Variants in VIPR2 observed in about 807,000 individuals in gnomAD.
The protein encoded by VIPR2 is vasoactive intestinal polypeptide receptor 2.
VIPR2 carries 48 observed loss-of-function variants against 58.0 expected under a neutral mutation model. The ratio of observed to expected loss-of-function variants is 0.83; its 90% CI spans 0.66 to 1.05. The LOEUF (loss-of-function observed/expected upper bound fraction) is 1.05. Ranked by LOEUF, VIPR2 falls within the 50% of genes least tolerant of loss-of-function variation. The probability of loss-of-function intolerance (pLI) is 0.00; values close to 1 mark genes in which losing one functional copy is unlikely to be tolerated. For missense variants in VIPR2, 534 were observed against 558.0 expected (o/e 0.96, Z 0.43); for synonymous variants, 243 against 235.2 (o/e 1.03, Z -0.30).
Position 159,058,491 on chromosome 7 carries a change from A to G in VIPR2, c.445T>C (p.Cys149Arg). The G allele has an allele frequency of 6.2e-7, 1 of 1,612,902 alleles. No individual in the cohort carries two copies. The highest frequency in any genetic ancestry group is 8.5e-7 in the Non-Finnish European group (1 of 1,178,926). The change falls in exon 5 of 13, where the codon TGC (cysteine) becomes CGC (arginine). Residue 149 changes from cysteine (C) to arginine (R), a missense_variant. By Grantham distance (180) the Cys-to-Arg change is radical (BLOSUM62 -3). This residue lies in a region of VIPR2 where 224 missense variants were observed against 255.7 expected (regional missense o/e 0.88). Coordinates refer to ENST00000262178, the MANE Select transcript of VIPR2 (RefSeq NM_003382.5). ...ATTTCTGCTCCTTACCTGAAGAGGC[A>G]CAGAATTATGCTTCCTGTTGCAAGA... Reference protein sequence around the residue: ...MSLATGSIILCLFRKLHCTRN... With the variant: ...MSLATGSIILRLFRKLHCTRN...
At chr7:159,032,467 C>T (rs574221498) in intron 10 of VIPR2, among the ~76,000 whole-genome samples, 5 of 152,336 alleles carry the variant, frequency 3.3e-5, no homozygotes, top group East Asian at 1.9e-4. Flanking sequence ...CGCTGCCACA[C>T]GCAGGTTTAA....
intron 6 of VIPR2, among the ~76,000 whole-genome samples, chr7:159,039,308 C>A (rs1283997409): frequency 6.6e-6 from 1 of 151,796 alleles, no homozygotes; most frequent in Non-Finnish European, 1.5e-5. Flanking sequence ...AAAATACACA[C>A]ACACACACAC....
At chr7:159,129,852 GT>G in intron 2 of VIPR2, among the ~76,000 whole-genome samples, 1 of 88,166 alleles carries the variant, frequency 1.1e-5, no homozygotes, top group Non-Finnish European at 2.0e-5. Context: ...GGGGGACAGG[GT>G]CAGGTGACCA....
rs551555448 is a variant in VIPR2, at chr7:159,080,148, G to A, written c.358-21570C>T. On this transcript the variant is annotated intron_variant, in intron 4 of 12. Transcript: ENST00000262178. ...CAGCATCATCCTGATACCAAAGCCTGGCAGAGACACAACAAAAAAAGAGAA... is the reference window on the plus strand; with the variant it reads ...CAGCATCATCCTGATACCAAAGCCTAGCAGAGACACAACAAAAAAAGAGAA... Among the ~76,000 whole-genome samples the A allele has an allele frequency of 2.6e-4, 40 of 152,232 alleles. No individual in the cohort carries two copies. The South Asian group carries it at 7.7e-3, about 29-fold the overall frequency.
At chr7:159,109,081 C>T (rs563427715) in intron 3 of VIPR2, among the ~76,000 whole-genome samples, 6 of 152,196 alleles carry the variant, frequency 3.9e-5, no homozygotes, top group Non-Finnish European at 8.8e-5. Flanking sequence ...AACCTCTGTC[C>T]AAGATAAAAG....
intron 4 of VIPR2, among the ~76,000 whole-genome samples, chr7:159,062,680 CTGCAGCAAG>C (rs1855770264): frequency 1.5e-5 from 1 of 68,002 alleles, no homozygotes; most frequent in Admixed American, 1.7e-4. Context: ...GCAAGATTTA[CTGCAGCAAG>C]ATTTATTACA....
At chr7:159,052,127 C>T (rs769244939) in intron 5 of VIPR2, among the ~76,000 whole-genome samples, 6 of 152,136 alleles carry the variant, frequency 3.9e-5, no homozygotes, top group Non-Finnish European at 7.4e-5. Context: ...TCTCAACAAG[C>T]TTCAGAGGAC....
rs979480433 is a variant in VIPR2 at position 159,104,798 on chromosome 7, G to A, written c.260-944C>T. 6.8e-5 allele frequency among the ~76,000 whole-genome samples: 10 copies of A among 147,164 alleles called. No individual in the cohort carries two copies. The East Asian group carries it at 1.1e-3, about 15-fold the overall frequency. ...AGCACCCTTGCCACCGATGGTGACC[G>A]GGTGCCCGGCCTGCCCCAGTTCCTG... On this transcript the variant is annotated intron_variant, in intron 3 of 12. Coordinates refer to ENST00000262178, the MANE Select transcript of VIPR2 (RefSeq NM_003382.5).
intron 4 of VIPR2, 127 bp downstream of exon 4, chr7:159,103,630 A>G: frequency 1.4e-6 from 1 of 715,110 alleles, no homozygotes; most frequent in Non-Finnish European, 2.4e-6. Flanking sequence ...GAAAGCAGAA[A>G]GTAGCATTGG....
chr7:159,137,152 C>T (rs923093888), intron 2 of VIPR2, among the ~76,000 whole-genome samples: 17 of 152,124 alleles, frequency 1.1e-4, no homozygotes, highest in Non-Finnish European at 2.1e-4. Flanking sequence ...CGGCCGCCCA[C>T]CCTGAATGGC....
rs1053829844 is a variant in VIPR2, at chr7:159,029,227, G to A, written c.*1389C>T. ...TTTTAAGGGAAAAGTGGAGTCAAAT[G>A]TGCTCAGAACAACTGAGTCCCACAG... On this transcript the variant is annotated 3_prime_UTR_variant, in exon 13 of 13. Transcript: ENST00000262178. 2.0e-5 allele frequency: 3 copies of A among 152,272 alleles called. No individual in the cohort carries two copies. Among genetic ancestry groups the A allele is most frequent in the Non-Finnish European group, 4.4e-5 (3 of 68,118 alleles). 9.4% of individuals were successfully genotyped at this position (152,272 alleles called of 1,614,324 possible). A position where few individuals can be genotyped will look rare whatever the true frequency, so the allele number is the denominator to read the frequency against.
At chr7:159,089,918 A>C (rs1286715978) in intron 4 of VIPR2, among the ~76,000 whole-genome samples, 1 of 152,276 alleles carries the variant, frequency 6.6e-6, no homozygotes, top group African/African-American at 2.4e-5. Context: ...AGAAGAGCAA[A>C]TCAGGACTTA....
chr7:159,066,230 C>T (rs1390663058), intron 4 of VIPR2, among the ~76,000 whole-genome samples: 1 of 146,586 alleles, frequency 6.8e-6, no homozygotes, highest in Non-Finnish European at 1.5e-5. Flanking sequence ...TGCCTGCTTC[C>T]ACACCGTCGG....
At chr7:159,103,927 C>T in intron 3 of VIPR2, 73 bp from the exon 4 acceptor site, 2 of 1,328,838 alleles carry the variant, frequency 1.5e-6, no homozygotes, top group African/African-American at 1.5e-5. Context: ...TTAGTCCGTG[C>T]TGAGCCCGTG....
intron 2 of VIPR2, among the ~76,000 whole-genome samples, chr7:159,124,595 C>T (rs1283895105): frequency 2.6e-5 from 4 of 152,144 alleles, no homozygotes; most frequent in African/African-American, 9.7e-5. Flanking sequence ...CAGCTTTCTT[C>T]TTTTTGCTTA....
In VIPR2 at chr7:159,031,398, G is replaced by A. The variant is rs75501523; in HGVS notation, c.1143+430C>T. On this transcript the variant is annotated intron_variant, in intron 12 of 12. Transcript: ENST00000262178. The surrounding 1 kb of genome is among the most constrained non-coding windows in gnomAD (Gnocchi z 4.0). The stretch of plus-strand genomic sequence containing the variant: ...ACAGCCTCCCTGGCTGGGAATGAAC[G>A]CAGGGCAGAGCTCGGCTCCGGGCTT... 0.046 allele frequency: 44,828 copies of A among 977,054 alleles called. 1,136 individuals carry two copies. Among genetic ancestry groups the A allele is most frequent in the Middle Eastern group, 0.078 (148 of 1,900 alleles). 60.5% of individuals were successfully genotyped at this position (977,054 alleles called of 1,614,324 possible).
At position 159,144,786 on chromosome 7, in the gene VIPR2, G is replaced by T; in HGVS notation, c.-15C>A. 1 of 1,245,286 alleles carries T rather than the reference G, an allele frequency of 8.0e-7. No homozygotes were observed. Among genetic ancestry groups the T allele is most frequent in the Non-Finnish European group, 1.0e-6 (1 of 996,162 alleles). The allele number at this position is 1,245,286 out of a possible 1,614,324, so 77.1% of individuals were successfully genotyped here. A position where few individuals can be genotyped will look rare whatever the true frequency, so the allele number is the denominator to read the frequency against. On this transcript the variant is annotated 5_prime_UTR_variant, in exon 1 of 13. Coordinates refer to ENST00000262178, the MANE Select transcript of VIPR2 (RefSeq NM_003382.5). ...AGCGTCCGCATCCCGAGCTCAGCGT[G>T]CCGGGGGCCGCCCAGCGCCCGCCGC...
In VIPR2 at chr7:159,134,807, G is replaced by A. The variant is rs990193591; in HGVS notation, c.151+7639C>T. Among the ~76,000 whole-genome samples the A allele has an allele frequency of 8.4e-4, 127 of 151,750 alleles. 2 individuals carry two copies. The highest frequency in any genetic ancestry group is 3.0e-3 in the African/African-American group (123 of 41,400). On this transcript the variant is annotated intron_variant, in intron 2 of 12. Transcript: ENST00000262178. Reference sequence around the variant, plus strand: ...TGAGTAGCTGGGACTAGAGGCGCCCGCCACCACGCCCGGCTAATTTTTTGT... The same window carrying A: ...TGAGTAGCTGGGACTAGAGGCGCCCACCACCACGCCCGGCTAATTTTTTGT...
At chr7:159,107,076 T>C (rs1408392423) in intron 3 of VIPR2, among the ~76,000 whole-genome samples, 2 of 152,078 alleles carry the variant, frequency 1.3e-5, no homozygotes, top group Admixed American at 6.5e-5. Flanking sequence ...CTTGAAGGCC[T>C]CCCTTAGGGC....
Sources: gnomAD v4.1 joint callset for allele counts (sites outside exome capture counted in the v4.1 genomes callset) on GRCh38, gnomAD v4.1.1 for gene constraint, gnomAD v4.1.1 regional missense constraint, Gnocchi (gnomAD v3.1) non-coding constraint, MANE v1.5 for transcripts, NCBI Gene and HGNC (gene_info 2026-07-23, HGNC 2026-07-21) for gene names.